The following CELF1 variants were observed in gnomAD, a reference collection of about 807,000 sequenced individuals.
The protein encoded by CELF1 is CUGBP Elav-like family member 1, also known as 50 kDa nuclear polyadenylated RNA-binding protein.
A neutral mutation model predicts 61.8 loss-of-function variants in CELF1; 10 were observed. The observed-to-expected ratio is 0.16, with a 90% CI of 0.10 to 0.27. CELF1 has a LOEUF of 0.27. Ranked by LOEUF, CELF1 falls within the 10% of genes least tolerant of loss-of-function variation. The pLI is 1.00. For synonymous variants in CELF1, 236 were observed against 225.1 expected (o/e 1.05, Z -0.43); for missense variants, 380 against 639.1 (o/e 0.59, Z 4.37).
At chr11:47,534,021 C>CTTTTT (rs1565896662) in intron 1 of CELF1, among the ~76,000 whole-genome samples, 4 of 98,472 alleles carry the variant, frequency 4.1e-5, no homozygotes, top group African/African-American at 1.4e-4. Flanking sequence ...TTTTTTCTTT[C>CTTTTT]CTTTTTTTTT....
chr11:47,554,078 C>T (rs1443419703), upstream of CELF1, among the ~76,000 whole-genome samples: 1 of 152,032 alleles, frequency 6.6e-6, no homozygotes, highest in Non-Finnish European at 1.5e-5. Context: ...ATCTGGCTTC[C>T]CAGAGAATAT....
chr11:47,551,381 C>T (rs1268302736), intron 1 of CELF1, among the ~76,000 whole-genome samples: 1 of 152,156 alleles, frequency 6.6e-6, no homozygotes, highest in Non-Finnish European at 1.5e-5. Flanking sequence ...CTTTGCTTTA[C>T]CAACAGTGCT....
intron 13 of CELF1, among the ~76,000 whole-genome samples, chr11:47,473,508 G>A (rs576409609): frequency 9.2e-5 from 14 of 152,298 alleles, no homozygotes; most frequent in South Asian, 4.1e-4. Flanking sequence ...AAAGCAGGCC[G>A]ACTTGTGTGT....
At chr11:47,481,102 CTTTTTTTTTTTTT>C (rs1187959061) in intron 9 of CELF1, among the ~76,000 whole-genome samples, 1 of 71,418 alleles carries the variant, frequency 1.4e-5, no homozygotes, top group African/African-American at 5.7e-5. Context: ...TTTTCTTCTT[CTTTTTTTTTTTTT>C]TTTTTTTTTT....
At chr11:47,484,001 C>G (rs2085038345) in intron 7 of CELF1, among the ~76,000 whole-genome samples, 1 of 152,026 alleles carries the variant, frequency 6.6e-6, no homozygotes. Flanking sequence ...GCCATATTGG[C>G]TAGGGAATCA....
intron 8 of CELF1, 134 bp downstream of exon 8, chr11:47,483,319 G>C (rs544281236): frequency 1.4e-6 from 1 of 708,192 alleles, no homozygotes; most frequent in African/African-American, 1.8e-5. Context: ...GAAATCAGTG[G>C]TTTTTAACTT....
intron 1 of CELF1, among the ~76,000 whole-genome samples, chr11:47,550,972 A>G (rs1233752967): frequency 1.3e-5 from 2 of 152,102 alleles, no homozygotes; most frequent in African/African-American, 2.4e-5. Context: ...TCTAACTTCA[A>G]TTCAGGGTCC....
intron 3 of CELF1, among the ~76,000 whole-genome samples, chr11:47,495,494 C>T (rs572058098): frequency 1.3e-5 from 2 of 152,228 alleles, no homozygotes; most frequent in East Asian, 3.9e-4. Flanking sequence ...GGTTACACAA[C>T]TCTGGAATAT....
chr11:47,499,159 C>A (rs1258354257), intron 3 of CELF1, among the ~76,000 whole-genome samples: 1 of 152,134 alleles, frequency 6.6e-6, no homozygotes, highest in Non-Finnish European at 1.5e-5. Flanking sequence ...ACCTTGTAAT[C>A]TATCATATAG....
chr11:47,553,818 ATT>A (rs34706651), upstream of CELF1, among the ~76,000 whole-genome samples: 6 of 148,452 alleles, frequency 4.0e-5, no homozygotes, highest in Non-Finnish European at 7.4e-5. Context: ...ATATATATAT[ATT>A]TTTTTTTCTT....
chr11:47,507,290 A>G (rs984930499), intron 1 of CELF1, among the ~76,000 whole-genome samples: 2 of 152,210 alleles, frequency 1.3e-5, no homozygotes, highest in Non-Finnish European at 2.9e-5. Context: ...TGGCTGTATA[A>G]TTCTTTTAGC....
intron 1 of CELF1, among the ~76,000 whole-genome samples, chr11:47,526,670 C>T (rs2096254274): frequency 6.6e-6 from 1 of 152,104 alleles, no homozygotes; most frequent in Non-Finnish European, 1.5e-5. Flanking sequence ...AAAACAAAAA[C>T]AAAAACCCTG....
chr11:47,498,767 A>T (rs2093521340), intron 3 of CELF1, among the ~76,000 whole-genome samples: 1 of 152,210 alleles, frequency 6.6e-6, no homozygotes, highest in Non-Finnish European at 1.5e-5. Context: ...TGTGTACAAC[A>T]GCAGTTCTTG....
chr11:47,560,230 G>T (rs1305423602), intron 2 of CELF1, among the ~76,000 whole-genome samples: 1 of 152,082 alleles, frequency 6.6e-6, no homozygotes, highest in East Asian at 1.9e-4. Context: ...GGTCAAGGCT[G>T]CACTGAGCCA....
rs1028099748 is a variant in CELF1, at chr11:47,466,793, A to G, written c.*5437T>C. Reference sequence around the variant, plus strand: ...AATATATTGGCAAACACTGCTTCTCAATACACAGGAAGGGGAGCCTCAGTG... The same window carrying G: ...AATATATTGGCAAACACTGCTTCTCGATACACAGGAAGGGGAGCCTCAGTG... On this transcript the variant is annotated 3_prime_UTR_variant, in exon 15 of 15. Transcript: ENST00000687097. 6.6e-6 allele frequency: 1 copy of G among 152,194 alleles called. No individual in the cohort carries two copies. The highest frequency in any genetic ancestry group is 1.5e-5 in the Non-Finnish European group (1 of 68,036). The allele number at this position is 152,194 out of a possible 1,614,324, so 9.4% of individuals were successfully genotyped here.
intron 1 of CELF1, among the ~76,000 whole-genome samples, chr11:47,541,947 C>G (rs921068973): frequency 7.2e-5 from 11 of 151,932 alleles, no homozygotes; most frequent in African/African-American, 1.2e-4. Flanking sequence ...ACATTCCCCC[C>G]CAAAACACAG....
chr11:47,470,621 C>T lies in CELF1; in HGVS notation c.*1609G>A, dbSNP rs139730569. On this transcript the variant is annotated 3_prime_UTR_variant, in exon 15 of 15. Coordinates refer to ENST00000687097, the MANE Select transcript of CELF1 (RefSeq NM_001376376.1). The stretch of plus-strand genomic sequence containing the variant: ...CAGGGACAGCATGACAAGGAGAGAG[C>T]CCCCATCTGACTTAATAGCAAACCA... 1,464 of 152,312 alleles carry T rather than the reference C, an allele frequency of 9.6e-3. 18 individuals carry two copies. Among genetic ancestry groups the T allele is most frequent in the Non-Finnish European group, 0.016 (1,062 of 68,054 alleles). 9.4% of individuals were successfully genotyped at this position (152,312 alleles called of 1,614,324 possible). A position where few individuals can be genotyped will look rare whatever the true frequency, so the allele number is the denominator to read the frequency against.
chr11:47,557,227 T>C (rs2097208144), upstream of CELF1, among the ~76,000 whole-genome samples: 1 of 135,534 alleles, frequency 7.4e-6, no homozygotes, highest in Non-Finnish European at 1.6e-5. Context: ...TTTTGTTTTG[T>C]TTTTTTTTTG....
At chr11:47,538,803 G>C (rs533844801) in intron 1 of CELF1, among the ~76,000 whole-genome samples, 1 of 152,182 alleles carries the variant, frequency 6.6e-6, no homozygotes, top group Non-Finnish European at 1.5e-5. Context: ...CGTTAGAAGC[G>C]CTAAACTGTC....
Sources: allele counts gnomAD v4.1 joint callset (sites outside exome capture counted in the v4.1 genomes callset), GRCh38; gene constraint gnomAD v4.1.1; transcripts MANE v1.5; gene names NCBI Gene and HGNC (gene_info 2026-07-23, HGNC 2026-07-21).